NCOR2: variants seen among roughly 807,000 people sequenced by gnomAD.
NCOR2 encodes the protein nuclear receptor corepressor 2.
In NCOR2, 81 loss-of-function variants were observed where a neutral mutation model predicts 262.9. The ratio of observed to expected loss-of-function variants is 0.31; its 90% CI spans 0.26 to 0.37. NCOR2 has a LOEUF of 0.37. Ranked by LOEUF, NCOR2 falls within the 10% of genes least tolerant of loss-of-function variation. NCOR2 has a pLI of 1.00. For synonymous variants in NCOR2, 1,659 were observed against 1,559.3 expected (o/e 1.06, Z -1.51); for missense variants, 3,385 against 3,621.4 (o/e 0.93, Z 1.68).
chr12:124,326,430 C>T (rs1409939175), intron 45 of NCOR2, 60 bp from the exon 48 acceptor site: 25 of 1,393,230 alleles, frequency 1.8e-5, no homozygotes, highest in South Asian at 8.2e-5. Flanking sequence ...ACCGACGCTA[C>T]GGTGGGGCCA....
At chr12:124,466,173 C>T (rs1434807645) in exon 5 of NCOR2, 1 of 1,606,944 alleles carries the variant, frequency 6.2e-7, no homozygotes, top group Admixed American at 1.7e-5. Flanking sequence ...GGACACATAC[C>T]CGGTTCTCGT....
intron 16 of NCOR2, among the ~76,000 whole-genome samples, chr12:124,396,996 G>A: frequency 6.6e-6 from 1 of 152,238 alleles, no homozygotes; most frequent in Non-Finnish European, 1.5e-5. Flanking sequence ...GCACGGGACA[G>A]GGACGGGGAG....
At chr12:124,553,798 C>T (rs562844688) in intron 1 of NCOR2, among the ~76,000 whole-genome samples, 15 of 152,372 alleles carry the variant, frequency 9.8e-5, no homozygotes, top group African/African-American at 2.6e-4. Context: ...CGCTTCCTCA[C>T]GTCCCTGCAT....
At position 124,389,922 on chromosome 12, in the gene NCOR2, T is replaced by C. The variant is rs2041167029; in HGVS notation, c.1877-4035A>G. ...AGGTTGAAAGTTAACTGAGCTGAAC[T>C]TTGGATCCTAGATTCAGGTCACGAC... On this transcript the variant is annotated intron_variant, in intron 16 of 46. Coordinates refer to ENST00000405201, the Ensembl canonical transcript of NCOR2. The surrounding 1 kb of genome is among the most constrained non-coding windows in gnomAD (Gnocchi z 4.4). 6.6e-6 allele frequency among the ~76,000 whole-genome samples: 1 copy of C among 152,106 alleles called. No homozygotes were observed. Among genetic ancestry groups the C allele is most frequent in the Non-Finnish European group, 1.5e-5 (1 of 68,012 alleles).
At chr12:124,567,230 C>G (rs1380843256) in intron 1 of NCOR2, 78 bp downstream of exon 1, 1 of 152,150 alleles carries the variant, frequency 6.6e-6, no homozygotes, top group Admixed American at 6.5e-5. Flanking sequence ...CGTGCGCCGC[C>G]CGATCCTCCC....
At chr12:124,528,851 C>T (rs1295664002) in intron 1 of NCOR2, among the ~76,000 whole-genome samples, 1 of 152,194 alleles carries the variant, frequency 6.6e-6, no homozygotes, top group Non-Finnish European at 1.5e-5. Flanking sequence ...CCTGACCTGT[C>T]AGAGCCTCAG....
intron 13 of NCOR2, among the ~76,000 whole-genome samples, chr12:124,404,612 T>C (rs373719922): frequency 2.0e-5 from 3 of 152,192 alleles, no homozygotes. Flanking sequence ...CAGGGGCCAG[T>C]TGGGAGAGGG....
rs1054950892 is a variant in NCOR2, at chr12:124,385,376, A to G, written c.2019+369T>C. Among the ~76,000 whole-genome samples, 5 of 152,150 alleles carry G rather than the reference A, an allele frequency of 3.3e-5. No homozygotes were observed. In the South Asian group the frequency reaches 8.3e-4, roughly 25 times the overall value. On this transcript the variant is annotated intron_variant, in intron 17 of 46. Transcript: ENST00000405201. ...AGGACCCATTTGCCTCCGGGTCCTC[A>G]TTCCAACGCGCTGACAGCCCGAATT...
intron 13 of NCOR2, among the ~76,000 whole-genome samples, chr12:124,418,142 C>G (rs1396968085): frequency 1.3e-5 from 2 of 151,976 alleles, no homozygotes; most frequent in Non-Finnish European, 2.9e-5. Flanking sequence ...TGCCACTCGG[C>G]CTTGGTTTTA....
chr12:124,522,250 T>A (rs537466614), intron 1 of NCOR2, among the ~76,000 whole-genome samples: 59 of 152,372 alleles, frequency 3.9e-4, no homozygotes, highest in Admixed American at 9.1e-4. Flanking sequence ...AATTTTAAAA[T>A]ACATGAGTGA....
intron 11 of NCOR2, 27 bp from the exon 14 acceptor site, chr12:124,422,582 G>T: frequency 6.2e-7 from 1 of 1,613,296 alleles, no homozygotes; most frequent in South Asian, 1.1e-5. Flanking sequence ...GTGGGCGTGA[G>T]ACCTGGCCGA....
intron 1 of NCOR2, among the ~76,000 whole-genome samples, chr12:124,508,420 C>T (rs976514606): frequency 1.3e-5 from 2 of 152,224 alleles, no homozygotes; most frequent in Non-Finnish European, 2.9e-5. Flanking sequence ...TGAAGCTAAG[C>T]GTCTACCTGG....
intron 1 of NCOR2, among the ~76,000 whole-genome samples, chr12:124,525,861 C>A (rs1003212357): frequency 6.6e-6 from 1 of 152,192 alleles, no homozygotes; most frequent in Non-Finnish European, 1.5e-5. Flanking sequence ...GCCCTCAATC[C>A]CCTTAACTAG....
exon 32 of NCOR2, chr12:124,344,638 G>A (rs751292220): frequency 3.8e-5 from 56 of 1,473,748 alleles, no homozygotes; most frequent in Admixed American, 7.1e-5. Flanking sequence ...GGTCACGGGC[G>A]AACCTCGTGG....
At chr12:124,526,512 C>T (rs926195276) in intron 1 of NCOR2, among the ~76,000 whole-genome samples, 1 of 152,186 alleles carries the variant, frequency 6.6e-6, no homozygotes, top group Admixed American at 6.5e-5. Context: ...CAGGTGTGGG[C>T]TGTGGCTGGG....
chr12:124,347,998 T>C (rs1344899793), intron 29 of NCOR2, 87 bp from the exon 32 acceptor site: 5 of 1,473,180 alleles, frequency 3.4e-6, no homozygotes, highest in East Asian at 2.5e-5. Context: ...CAGCCGCCAG[T>C]GGTCATCCCC....
chr12:124,451,354 T>C (rs1404596358), intron 6 of NCOR2, among the ~76,000 whole-genome samples: 1 of 152,224 alleles, frequency 6.6e-6, no homozygotes, highest in Non-Finnish European at 1.5e-5. Context: ...GTGGGGCTGC[T>C]TTGTTCCCCA....
chr12:124,483,575 C>G lies in NCOR2; in HGVS notation c.411+21G>C. Reference sequence around the variant, plus strand: ...GAACCTCAAGCGGGAGAGGAGCTCCCAGCTGGGGGCCCAGGCTTACCTTGG... The same window carrying G: ...GAACCTCAAGCGGGAGAGGAGCTCCGAGCTGGGGGCCCAGGCTTACCTTGG... On this transcript the variant is annotated intron_variant, in intron 3 of 46. Coordinates refer to ENST00000405201, the Ensembl canonical transcript of NCOR2. This position sits in a 1 kb window ranked among gnomAD's most constrained non-coding sequence, Gnocchi z 6.3. 6.5e-7 allele frequency: 1 copy of G among 1,549,012 alleles called. No individual in the cohort carries two copies. Among genetic ancestry groups the G allele is most frequent in the Non-Finnish European group, 8.7e-7 (1 of 1,148,024 alleles).
intron 7 of NCOR2, among the ~76,000 whole-genome samples, chr12:124,442,658 T>C (rs1391412741): frequency 6.6e-6 from 1 of 152,196 alleles, no homozygotes; most frequent in African/African-American, 2.4e-5. Context: ...AAATTGACTT[T>C]GGGGTTTGCA....
Sources: gnomAD v4.1 joint callset for allele counts (sites outside exome capture counted in the v4.1 genomes callset) on GRCh38, gnomAD v4.1.1 for gene constraint, Gnocchi (gnomAD v3.1) non-coding constraint, MANE v1.5 for transcripts, NCBI Gene and HGNC (gene_info 2026-07-23, HGNC 2026-07-21) for gene names.